The following CFAP221 variants were observed in gnomAD, a reference collection of about 807,000 sequenced individuals.
The protein encoded by CFAP221 is cilia- and flagella-associated protein 221.
A neutral mutation model predicts 113.1 loss-of-function variants in CFAP221; 97 were observed. The ratio of observed to expected loss-of-function variants is 0.86; its 90% CI spans 0.73 to 1.02. The LOEUF (loss-of-function observed/expected upper bound fraction) is 1.02. Among genes scored for constraint, CFAP221 ranks in the 50% least tolerant of loss-of-function variants. CFAP221 has a pLI of 0.00. For synonymous variants in CFAP221, 331 were observed against 354.4 expected (o/e 0.93, Z 0.74); for missense variants, 1,025 against 1,013.4 (o/e 1.01, Z -0.16).
At chr2:119,570,070 T>C (rs761169665) in intron 6 of CFAP221, among the ~76,000 whole-genome samples, 1 of 152,250 alleles carries the variant, frequency 6.6e-6, no homozygotes, top group Non-Finnish European at 1.5e-5. Flanking sequence ...TAGCCAGACA[T>C]CATGTACTGG....
chr2:119,549,264 C>A, intron 3 of CFAP221, 79 bp downstream of exon 3: 2 of 1,141,802 alleles, frequency 1.8e-6, no homozygotes, highest in East Asian at 2.7e-5. Context: ...ATTCACTTAT[C>A]TAAAGCACAG....
At chr2:119,606,077 G>A (rs926659261) in intron 11 of CFAP221, among the ~76,000 whole-genome samples, 9 of 151,772 alleles carry the variant, frequency 5.9e-5, no homozygotes, top group African/African-American at 1.2e-4. Context: ...CATCATGGCC[G>A]GCTGCACCCC....
intron 6 of CFAP221, among the ~76,000 whole-genome samples, chr2:119,566,880 G>A (rs1681685407): frequency 6.6e-6 from 1 of 151,148 alleles, no homozygotes; most frequent in Admixed American, 6.6e-5. Flanking sequence ...TTATTGTATT[G>A]TATCAAAATA....
At chr2:119,605,678 G>T (rs1196982987) in intron 11 of CFAP221, among the ~76,000 whole-genome samples, 1 of 152,210 alleles carries the variant, frequency 6.6e-6, no homozygotes. Flanking sequence ...GCCCAGTGGG[G>T]TGAGGCTCTG....
At chr2:119,591,629 C>T (rs1683605402) in intron 7 of CFAP221, among the ~76,000 whole-genome samples, 1 of 152,212 alleles carries the variant, frequency 6.6e-6, no homozygotes, top group Non-Finnish European at 1.5e-5. Flanking sequence ...TTGACCACAG[C>T]AGCAGTCAGT....
intron 13 of CFAP221, among the ~76,000 whole-genome samples, chr2:119,612,725 A>G (rs1002239960): frequency 1.3e-5 from 2 of 152,186 alleles, no homozygotes; most frequent in Non-Finnish European, 2.9e-5. Flanking sequence ...ACAATTCAAG[A>G]CGGGATTTGG....
At chr2:119,599,262 C>T (rs1045099292) in intron 7 of CFAP221, among the ~76,000 whole-genome samples, 5 of 152,140 alleles carry the variant, frequency 3.3e-5, no homozygotes, top group African/African-American at 1.2e-4. Flanking sequence ...AGCTTGATAC[C>T]TAGTTGGGAG....
chr2:119,646,937 G>A, intron 21 of CFAP221, 21 bp from the exon 22 acceptor site: 2 of 1,597,188 alleles, frequency 1.3e-6, no homozygotes, highest in Non-Finnish European at 1.7e-6. Context: ...ATCTTTGACT[G>A]CTTGTGTGGT....
intron 19 of CFAP221, among the ~76,000 whole-genome samples, chr2:119,636,608 A>G (rs1372401028): frequency 6.6e-6 from 1 of 152,222 alleles, no homozygotes; most frequent in Non-Finnish European, 1.5e-5. Context: ...AAGAATAAGC[A>G]TGATGTTTAG....
chr2:119,562,001 T>A lies in CFAP221; in HGVS notation c.427-13T>A. The A allele has an allele frequency of 6.6e-7, 1 of 1,516,306 alleles. No homozygotes were observed. Among genetic ancestry groups the A allele is most frequent in the Non-Finnish European group, 8.8e-7 (1 of 1,131,606 alleles). 93.9% of individuals were successfully genotyped at this position (1,516,306 alleles called of 1,614,324 possible). ...TCAGAATGTTAAACTTGACTTTTTC[T>A]GGTTAATTTTAGGGAGATGACACTT... On this transcript the variant is annotated splice_polypyrimidine_tract_variant and intron_variant, in intron 5 of 23. Transcript: ENST00000413369.
chr2:119,611,754 T>C lies in CFAP221; in HGVS notation c.1311+12T>C, dbSNP rs758121973. 5 of 1,594,622 alleles carry C rather than the reference T, an allele frequency of 3.1e-6. No homozygotes were observed. The Admixed American group carries it at 8.5e-5, about 27-fold the overall frequency. On this transcript the variant is annotated intron_variant, in intron 13 of 23. Coordinates refer to ENST00000413369, the MANE Select transcript of CFAP221 (RefSeq NM_001271049.2). ...GCAATCAAGAAGAGGTGGGTAACTT[T>C]CCTTTATTTAGAATCTGATTATTGG...
At chr2:119,625,728 T>G in intron 15 of CFAP221, 40 bp downstream of exon 15, 1 of 1,514,632 alleles carries the variant, frequency 6.6e-7, no homozygotes, top group Non-Finnish European at 9.2e-7. Context: ...CCGAGACTGA[T>G]CATGCCTCTG....
chr2:119,563,573 C>T (rs546796728), intron 6 of CFAP221, among the ~76,000 whole-genome samples: 1 of 152,224 alleles, frequency 6.6e-6, no homozygotes, highest in African/African-American at 2.4e-5. Flanking sequence ...GATGCAGCAA[C>T]TAAGGGGTTA....
intron 5 of CFAP221, 85 bp from the exon 6 acceptor site, chr2:119,561,929 A>G: frequency 1.1e-6 from 1 of 878,664 alleles, no homozygotes. Context: ...CGATGGAAAC[A>G]AGATAAGAAA....
chr2:119,615,123 A>G (rs766091289), intron 13 of CFAP221, among the ~76,000 whole-genome samples: 12 of 152,220 alleles, frequency 7.9e-5, no homozygotes, highest in Non-Finnish European at 1.5e-4. Flanking sequence ...CAGCCTCACT[A>G]TACCCGCAGA....
At chr2:119,549,611 T>C (rs933333474) in intron 3 of CFAP221, among the ~76,000 whole-genome samples, 2 of 152,260 alleles carry the variant, frequency 1.3e-5, no homozygotes, top group Non-Finnish European at 2.9e-5. Flanking sequence ...ATTTGGCTCC[T>C]GGGCTGCCTT....
intron 7 of CFAP221, 23 bp from the exon 8 acceptor site, chr2:119,601,194 AT>A: frequency 2.0e-6 from 3 of 1,501,586 alleles, no homozygotes; most frequent in Non-Finnish European, 2.7e-6. Flanking sequence ...AGGGTATCAC[AT>A]TTTCTCATTT....
At chr2:119,605,638 G>T (rs1684688243) in intron 11 of CFAP221, among the ~76,000 whole-genome samples, 1 of 152,176 alleles carries the variant, frequency 6.6e-6, no homozygotes, top group Non-Finnish European at 1.5e-5. Context: ...CCTGTGCCTT[G>T]GGCTGTGTGC....
At chr2:119,589,303 T>C (rs1017620855) in intron 7 of CFAP221, among the ~76,000 whole-genome samples, 9 of 152,246 alleles carry the variant, frequency 5.9e-5, no homozygotes, top group African/African-American at 1.9e-4. Flanking sequence ...AAGAAAGCCT[T>C]GGCTGCATGG....
Sources: gnomAD v4.1 joint callset for allele counts (sites outside exome capture counted in the v4.1 genomes callset) on GRCh38, gnomAD v4.1.1 for gene constraint, MANE v1.5 for transcripts, NCBI Gene and HGNC (gene_info 2026-07-23, HGNC 2026-07-21) for gene names.